Variants in PDK1 observed in about 807,000 individuals in gnomAD.
PDK1 encodes the protein [Pyruvate dehydrogenase (acetyl-transferring)] kinase isozyme 1, mitochondrial.
In PDK1, 39 loss-of-function variants were observed where a neutral mutation model predicts 54.2. The ratio of observed to expected loss-of-function variants is 0.72; its 90% CI spans 0.56 to 0.94. The LOEUF is 0.94. Ranked by LOEUF, PDK1 falls within the 40% of genes least tolerant of loss-of-function variation. PDK1 has a pLI of 0.00. For missense variants in PDK1, 552 were observed against 566.0 expected (o/e 0.98, Z 0.25); for synonymous variants, 221 against 207.1 (o/e 1.07, Z -0.58).
chr2:172,653,050 A>G, the PDK1 span, among the ~76,000 whole-genome samples: 1 of 152,226 alleles, frequency 6.6e-6, no homozygotes, highest in African/African-American at 2.4e-5. Flanking sequence ...TGGAGGCATC[A>G]CGCTACCTGA....
Position 172,558,760 on chromosome 2 carries a change from G to T in PDK1, c.249G>T (p.Leu83Phe), listed in dbSNP as rs1688495804. 1.2e-6 allele frequency: 2 copies of T among 1,610,382 alleles called. No individual in the cohort carries two copies. Among genetic ancestry groups the T allele is most frequent in the Non-Finnish European group, 1.7e-6 (2 of 1,178,860 alleles). ...KTSFMFLRQELPVRLANIMKE... is the reference protein window; with the variant it reads ...KTSFMFLRQEFPVRLANIMKE... Reference sequence around the variant, plus strand: ...CATTTATGTTTCTGCGGCAAGAGTTGCCTGTCAGACTGGCAAATATAATGA... The same window carrying T: ...CATTTATGTTTCTGCGGCAAGAGTTTCCTGTCAGACTGGCAAATATAATGA... The change falls in exon 2 of 11, where the codon TTG becomes TTT. Residue 83 changes from leucine to phenylalanine, a missense_variant. Transcript: ENST00000282077.
intron 3 of PDK1, chr2:172,562,884 C>A: frequency 7.9e-7 from 1 of 1,259,850 alleles, no homozygotes; most frequent in South Asian, 1.3e-5. Context: ...CTGCTTATTG[C>A]AGTGAAGGGT....
At chr2:172,680,227 C>T in the PDK1 span, among the ~76,000 whole-genome samples, 2 of 152,322 alleles carry the variant, frequency 1.3e-5, no homozygotes, top group Admixed American at 6.5e-5. Flanking sequence ...GAATTGCAAG[C>T]TCTCGGAAGG....
At chr2:172,721,644 G>T in the PDK1 span, among the ~76,000 whole-genome samples, 1 of 152,164 alleles carries the variant, frequency 6.6e-6, no homozygotes. Context: ...GGCCCCCATT[G>T]TATCTTTAAA....
chr2:172,680,655 T>C, the PDK1 span, among the ~76,000 whole-genome samples: 1 of 152,192 alleles, frequency 6.6e-6, no homozygotes, highest in Non-Finnish European at 1.5e-5. Flanking sequence ...ATGTGTGCTA[T>C]CGTGGCTGGC....
At chr2:172,641,065 GTCTC>G in the PDK1 span, among the ~76,000 whole-genome samples, 6,725 of 114,854 alleles carry the variant, frequency 0.059, 292 homozygotes, top group East Asian at 0.23. Context: ...TTCTTTCCTT[GTCTC>G]TCTCTCTCTT....
At chr2:172,582,979 T>G (rs1689993484) in intron 8 of PDK1, among the ~76,000 whole-genome samples, 1 of 152,230 alleles carries the variant, frequency 6.6e-6, no homozygotes, top group African/African-American at 2.4e-5. Flanking sequence ...TGCTAGGTTG[T>G]TGTTACAGTC....
chr2:172,696,935 CA>C, the PDK1 span, among the ~76,000 whole-genome samples: 2 of 152,126 alleles, frequency 1.3e-5, no homozygotes, highest in African/African-American at 4.8e-5. Flanking sequence ...AATCAACCAA[CA>C]TTCACAAGTT....
At chr2:172,635,096 A>G in the PDK1 span, among the ~76,000 whole-genome samples, 1 of 152,338 alleles carries the variant, frequency 6.6e-6, no homozygotes, top group East Asian at 1.9e-4. Flanking sequence ...ATATCACTGC[A>G]TTGTTCAATA....
At chr2:172,613,357 T>C (rs1032899953), downstream of PDK1, among the ~76,000 whole-genome samples, 2 of 152,246 alleles carry the variant, frequency 1.3e-5, no homozygotes, top group Admixed American at 6.5e-5. Context: ...GTACATTCTT[T>C]CTTGAGGGGA....
At chr2:172,632,659 T>C in the PDK1 span, among the ~76,000 whole-genome samples, 1 of 152,136 alleles carries the variant, frequency 6.6e-6, no homozygotes. Flanking sequence ...GTCTCCTTTG[T>C]GGTACACAAA....
chr2:172,612,190 C>T (rs1262295216), downstream of PDK1, among the ~76,000 whole-genome samples: 13 of 152,170 alleles, frequency 8.5e-5, no homozygotes, highest in Admixed American at 7.8e-4. Context: ...GAAGATCCAC[C>T]GTTATACATT....
chr2:172,658,064 G>A, the PDK1 span, among the ~76,000 whole-genome samples: 1 of 152,130 alleles, frequency 6.6e-6, no homozygotes, highest in Non-Finnish European at 1.5e-5. Context: ...CTAATCGAGT[G>A]AGAACTAACT....
At chr2:172,658,934 C>T in the PDK1 span, among the ~76,000 whole-genome samples, 1 of 152,142 alleles carries the variant, frequency 6.6e-6, no homozygotes, top group Admixed American at 6.5e-5. Flanking sequence ...TGATTTTGCC[C>T]TTTGCCTTGT....
At chr2:172,633,265 C>G in the PDK1 span, among the ~76,000 whole-genome samples, 5 of 151,504 alleles carry the variant, frequency 3.3e-5, no homozygotes, top group South Asian at 8.3e-4. Context: ...CCAGGCTGGT[C>G]TTAAATTCCT....
At chr2:172,689,450 A>T in the PDK1 span, among the ~76,000 whole-genome samples, 3 of 152,240 alleles carry the variant, frequency 2.0e-5, no homozygotes, top group African/African-American at 7.2e-5. Context: ...ATTTAATGCC[A>T]TCCCTATCAA....
chr2:172,579,405 C>T (rs58633930), intron 8 of PDK1, among the ~76,000 whole-genome samples: 3,413 of 152,124 alleles, frequency 0.022, 121 homozygotes, highest in African/African-American at 0.079. Flanking sequence ...TGTTCTTATA[C>T]GGATTCAGTT....
chr2:172,695,075 G>A, the PDK1 span, among the ~76,000 whole-genome samples: 3 of 152,216 alleles, frequency 2.0e-5, no homozygotes, highest in South Asian at 4.1e-4. Context: ...CCTATATGAC[G>A]CCACTGCACT....
At chr2:172,586,695 T>G (rs142400899) in intron 9 of PDK1, among the ~76,000 whole-genome samples, 2,368 of 152,296 alleles carry the variant, frequency 0.016, 25 homozygotes, top group South Asian at 0.048. Flanking sequence ...ATGTGGGGAA[T>G]AAATTACTGG....
Sources: gnomAD v4.1 joint callset for allele counts (sites outside exome capture counted in the v4.1 genomes callset) on GRCh38, gnomAD v4.1.1 for gene constraint, MANE v1.5 for transcripts, NCBI Gene and HGNC (gene_info 2026-07-23, HGNC 2026-07-21) for gene names.